The following PLEKHM3 variants were observed in gnomAD, a reference collection of about 807,000 sequenced individuals.
PLEKHM3 encodes pleckstrin homology domain containing M3.
PLEKHM3 carries 45 observed loss-of-function variants against 81.8 expected under a neutral mutation model. That is an observed-to-expected ratio of 0.55 (90% CI 0.43 to 0.71). PLEKHM3 has a LOEUF of 0.71. Ranked by LOEUF, PLEKHM3 falls within the 30% of genes least tolerant of loss-of-function variation. The pLI is 0.00. For synonymous variants in PLEKHM3, 352 were observed against 356.4 expected, an observed-to-expected ratio of 0.99 and a Z score of 0.14; for missense variants, 788 against 924.3, an observed-to-expected ratio of 0.85 and a Z score of 1.91.
chr2:207,904,718 A>G (rs1280967350), intron 6 of PLEKHM3, among the ~76,000 whole-genome samples: 1 of 152,234 alleles, frequency 6.6e-6, no homozygotes, highest in Non-Finnish European at 1.5e-5. Context: ...AATGCATGCA[A>G]AGAGGACAGT....
At chr2:207,949,582 G>A (rs1690263046) in intron 3 of PLEKHM3, among the ~76,000 whole-genome samples, 1 of 151,996 alleles carries the variant, frequency 6.6e-6, no homozygotes, top group Non-Finnish European at 1.5e-5. Flanking sequence ...AATGAACTGT[G>A]GAACAGAGTT....
chr2:207,985,957 C>T (rs553773749), intron 2 of PLEKHM3, among the ~76,000 whole-genome samples: 73 of 149,590 alleles, frequency 4.9e-4, no homozygotes, highest in Non-Finnish European at 8.9e-4. Context: ...CACTGCACTC[C>T]AGCCTGGGCA....
At position 207,875,882 on chromosome 2, in the gene PLEKHM3, C is replaced by T. The variant is rs374406192; in HGVS notation, c.1951-14620G>A. 6.0e-4 allele frequency among the ~76,000 whole-genome samples: 91 copies of T among 152,322 alleles called. 2 individuals are homozygous for T. In the South Asian group the frequency reaches 0.017, roughly 28 times the overall value. On this transcript the variant is annotated intron_variant, in intron 6 of 7. Coordinates refer to ENST00000427836, the MANE Select transcript of PLEKHM3 (RefSeq NM_001080475.3). ...TACCTTGCTTAACTTACCTAGCTTA[C>T]ACCTCAGTTACTTTAGGTATAAGAT...
chr2:207,866,479 C>G (rs940234373), intron 6 of PLEKHM3, among the ~76,000 whole-genome samples: 1 of 152,066 alleles, frequency 6.6e-6, no homozygotes, highest in Non-Finnish European at 1.5e-5. Flanking sequence ...TATCATTAAT[C>G]AAAACTCTTC....
intron 4 of PLEKHM3, among the ~76,000 whole-genome samples, chr2:207,945,585 T>C (rs906036335): frequency 6.6e-6 from 1 of 152,154 alleles, no homozygotes; most frequent in African/African-American, 2.4e-5. Flanking sequence ...GACCTTCACA[T>C]GAGTAGGAGC....
intron 1 of PLEKHM3, among the ~76,000 whole-genome samples, chr2:208,018,656 A>C (rs17459758): frequency 0.097 from 14,813 of 152,230 alleles, 863 homozygotes; most frequent in Non-Finnish European, 0.13. Flanking sequence ...GCCTTCATGC[A>C]ATCACCACCA....
chr2:207,919,028 A>G (rs747817146), intron 5 of PLEKHM3, among the ~76,000 whole-genome samples: 2 of 152,192 alleles, frequency 1.3e-5, no homozygotes, highest in Non-Finnish European at 2.9e-5. Context: ...ACAAACAGAC[A>G]CTGTGTTGCC....
chr2:207,958,426 C>G (rs183793168), intron 3 of PLEKHM3, among the ~76,000 whole-genome samples: 1 of 152,282 alleles, frequency 6.6e-6, no homozygotes, highest in Admixed American at 6.5e-5. Context: ...GGAAAGAATG[C>G]TTCTTGTCAT....
intron 1 of PLEKHM3, among the ~76,000 whole-genome samples, chr2:208,023,887 A>G (rs1693214208): frequency 6.6e-6 from 1 of 152,092 alleles, no homozygotes; most frequent in Non-Finnish European, 1.5e-5. Context: ...ACAAACATGT[A>G]TATAGCAATT....
At chr2:207,841,665 T>G (rs757416771) in intron 7 of PLEKHM3, among the ~76,000 whole-genome samples, 1 of 151,404 alleles carries the variant, frequency 6.6e-6, no homozygotes, top group Non-Finnish European at 1.5e-5. Context: ...CAATTCCTAA[T>G]ATGGAATAAT....
chr2:208,022,744 G>C (rs1371159770), intron 1 of PLEKHM3, among the ~76,000 whole-genome samples: 1 of 152,126 alleles, frequency 6.6e-6, no homozygotes, highest in Admixed American at 6.5e-5. Context: ...GGGCTCCTGT[G>C]ATTAGATTAG....
At chr2:207,872,109 G>A (rs1439131175) in intron 6 of PLEKHM3, among the ~76,000 whole-genome samples, 1 of 152,154 alleles carries the variant, frequency 6.6e-6, no homozygotes, top group Non-Finnish European at 1.5e-5. Flanking sequence ...GACAACTTCT[G>A]ACTCACTTTC....
intron 2 of PLEKHM3, among the ~76,000 whole-genome samples, chr2:207,987,280 C>T (rs1691760346): frequency 6.6e-6 from 1 of 152,106 alleles, no homozygotes; most frequent in Non-Finnish European, 1.5e-5. Context: ...CCTACTCCCT[C>T]CTCTAAGGCT....
chr2:207,943,354 C>T (rs1363534694), intron 4 of PLEKHM3, among the ~76,000 whole-genome samples: 1 of 152,158 alleles, frequency 6.6e-6, no homozygotes, highest in Non-Finnish European at 1.5e-5. Flanking sequence ...CCATATGAAG[C>T]CCCTTGCACA....
intron 6 of PLEKHM3, among the ~76,000 whole-genome samples, chr2:207,866,041 A>G (rs1478014237): frequency 1.3e-5 from 2 of 151,502 alleles, no homozygotes; most frequent in Non-Finnish European, 2.9e-5. Context: ...TTAATAAACT[A>G]ATCTCCTAGT....
chr2:207,885,409 C>T (rs1385606197), intron 6 of PLEKHM3, among the ~76,000 whole-genome samples: 1 of 152,156 alleles, frequency 6.6e-6, no homozygotes, highest in Non-Finnish European at 1.5e-5. Context: ...CATTTTGGGC[C>T]TTTTGCAAAT....
intron 6 of PLEKHM3, among the ~76,000 whole-genome samples, chr2:207,889,353 G>C (rs1687977823): frequency 6.6e-6 from 1 of 151,056 alleles, no homozygotes; most frequent in African/African-American, 2.4e-5. Flanking sequence ...CCACTTCTTT[G>C]GTAGATAGGC....
chr2:207,846,190 T>G (rs1324388662), intron 7 of PLEKHM3, among the ~76,000 whole-genome samples: 1 of 152,158 alleles, frequency 6.6e-6, no homozygotes, highest in East Asian at 1.9e-4. Context: ...TCGCCCAGGC[T>G]GGAGTGCAGT....
chr2:207,848,591 T>C (rs2092396779), intron 7 of PLEKHM3, among the ~76,000 whole-genome samples: 1 of 152,200 alleles, frequency 6.6e-6, no homozygotes, highest in Non-Finnish European at 1.5e-5. Context: ...ATAAAGCAGG[T>C]TCCTTCTTTT....
Sources: allele counts gnomAD v4.1 joint callset (sites outside exome capture counted in the v4.1 genomes callset), GRCh38; gene constraint gnomAD v4.1.1; transcripts MANE v1.5; gene names NCBI Gene and HGNC (gene_info 2026-07-23, HGNC 2026-07-21).